PID1: variants seen among roughly 807,000 people sequenced by gnomAD.
The protein encoded by PID1 is PTB-containing, cubilin and LRP1-interacting protein.
A neutral mutation model predicts 19.1 loss-of-function variants in PID1; 10 were observed. The observed-to-expected ratio is 0.52, with a 90% CI of 0.32 to 0.89. PID1 has a LOEUF of 0.89. Among genes scored for constraint, PID1 ranks in the 40% least tolerant of loss-of-function variants. The pLI is 0.03. For missense variants in PID1, 248 were observed against 285.3 expected, an observed-to-expected ratio of 0.87 and a Z score of 0.94; for synonymous variants, 130 against 116.0, an observed-to-expected ratio of 1.12 and a Z score of -0.78.
intron 1 of PID1, among the ~76,000 whole-genome samples, chr2:229,260,815 C>T (rs62191744): frequency 1.5e-5 from 2 of 130,694 alleles, no homozygotes; most frequent in Admixed American, 8.3e-5. Context: ...ATTCTGATTG[C>T]CATTTTTTTT....
At chr2:229,050,928 GAAA>G (rs1693983976) in intron 2 of PID1, among the ~76,000 whole-genome samples, 1 of 152,170 alleles carries the variant, frequency 6.6e-6, no homozygotes, top group Non-Finnish European at 1.5e-5. Context: ...TTTCTATGAA[GAAA>G]ATAGCTATTT....
At chr2:229,070,921 T>C (rs1323348328) in intron 2 of PID1, among the ~76,000 whole-genome samples, 1 of 152,238 alleles carries the variant, frequency 6.6e-6, no homozygotes, top group African/African-American at 2.4e-5. Context: ...AATTCTTCAT[T>C]ACCGGTATCT....
chr2:229,234,055 C>T (rs1692272952), intron 1 of PID1, among the ~76,000 whole-genome samples: 1 of 152,106 alleles, frequency 6.6e-6, no homozygotes, highest in Non-Finnish European at 1.5e-5. Flanking sequence ...CAAAGATGAT[C>T]AAAGCTGTGG....
chr2:229,194,434 TA>T (rs925255522), intron 1 of PID1, among the ~76,000 whole-genome samples: 9 of 150,430 alleles, frequency 6.0e-5, no homozygotes, highest in East Asian at 1.9e-4. Flanking sequence ...TACAAGAACT[TA>T]AAAAAAAATA....
intron 1 of PID1, among the ~76,000 whole-genome samples, chr2:229,179,959 A>G (rs1690904857): frequency 6.6e-6 from 1 of 152,164 alleles, no homozygotes; most frequent in Non-Finnish European, 1.5e-5. Context: ...CTCATTGGAC[A>G]TATCCCCCAC....
Position 229,182,562 on chromosome 2 carries a change from G to A in PID1, c.31-26598C>T, listed in dbSNP as rs181627794. On this transcript the variant is annotated intron_variant, in intron 1 of 2. Coordinates refer to ENST00000392055, the MANE Select transcript of PID1 (RefSeq NM_001100818.2). ...TTTAGTTTTTCAGCTGAAGGCCACGGATTCCCACCATCTTCAACCAGACAG... is the reference window on the plus strand; with the variant it reads ...TTTAGTTTTTCAGCTGAAGGCCACGAATTCCCACCATCTTCAACCAGACAG... Among the ~76,000 whole-genome samples the A allele has an allele frequency of 4.0e-3, 613 of 152,218 alleles. 2 individuals are homozygous for A. Among genetic ancestry groups the A allele is most frequent in the Non-Finnish European group, 5.5e-3 (371 of 68,006 alleles).
At chr2:229,176,130 A>G (rs1412984600) in intron 1 of PID1, among the ~76,000 whole-genome samples, 3 of 150,480 alleles carry the variant, frequency 2.0e-5, no homozygotes, top group Non-Finnish European at 4.4e-5. Context: ...TCTACAGTTT[A>G]GTCCAAAGTT....
intron 2 of PID1, among the ~76,000 whole-genome samples, chr2:229,075,073 C>G (rs1681220614): frequency 6.6e-6 from 1 of 152,192 alleles, no homozygotes; most frequent in African/African-American, 2.4e-5. Context: ...ATCACCTAGC[C>G]TACCATAAAT....
Position 229,132,434 on chromosome 2 carries a change from T to A in PID1, c.177+23384A>T, listed in dbSNP as rs368307025. Among the ~76,000 whole-genome samples, 22 of 152,342 alleles carry A rather than the reference T, an allele frequency of 1.4e-4. No individual in the cohort carries two copies. In the South Asian group the frequency reaches 3.5e-3, roughly 24 times the overall value. ...AGAGATCCAGCTTTCGGTGTCACTATCACTGCCGGCTTTTCTGGCCTTGAA... is the reference window on the plus strand; with the variant it reads ...AGAGATCCAGCTTTCGGTGTCACTAACACTGCCGGCTTTTCTGGCCTTGAA... On this transcript the variant is annotated intron_variant, in intron 2 of 2. Transcript: ENST00000392055.
intron 2 of PID1, among the ~76,000 whole-genome samples, chr2:229,150,229 C>CAAAA (rs11309150): frequency 8.1e-6 from 1 of 123,040 alleles, no homozygotes. Flanking sequence ...GAGTGAGACT[C>CAAAA]AAAAAAAAAA....
At chr2:229,141,443 T>A (rs991137509) in intron 2 of PID1, among the ~76,000 whole-genome samples, 1 of 152,148 alleles carries the variant, frequency 6.6e-6, no homozygotes, top group Non-Finnish European at 1.5e-5. Flanking sequence ...GGACTCTGAA[T>A]GAGCTGTCTG....
rs1226460150 is a variant in PID1 at position 229,026,109 on chromosome 2, C to T, written c.178-1G>A. 6.2e-7 allele frequency: 1 copy of T among 1,608,884 alleles called. No individual in the cohort carries two copies. Among genetic ancestry groups the T allele is most frequent in the African/African-American group, 1.3e-5 (1 of 74,822 alleles). The stretch of plus-strand genomic sequence containing the variant: ...TGGAGACTTTGCCCAGGTAGGTAAC[C>T]TGCAGATGCAAGAGAGGAAGAAAAG... On this transcript the variant is annotated splice_acceptor_variant, in intron 2 of 2. Transcript: ENST00000392055. LOFTEE classifies it high-confidence loss of function.
intron 2 of PID1, among the ~76,000 whole-genome samples, chr2:229,137,848 CTGAA>C (rs377617728): frequency 2.6e-5 from 4 of 152,164 alleles, no homozygotes; most frequent in African/African-American, 9.7e-5. Context: ...TGAAAGCAGA[CTGAA>C]TGAACTCCCC....
In PID1 at chr2:229,086,033, G is replaced by A. The variant is rs145202221; in HGVS notation, c.178-59925C>T. 2.5e-3 allele frequency among the ~76,000 whole-genome samples: 379 copies of A among 152,022 alleles called. 4 individuals are homozygous for A. Among genetic ancestry groups the A allele is most frequent in the African/African-American group, 8.4e-3 (347 of 41,476 alleles). ...CCCTGTAATACATACCCTATTTTGC[G>A]CTGCCTAATTATATTTAAATTCAGG... On this transcript the variant is annotated intron_variant, in intron 2 of 2. Transcript: ENST00000392055.
At chr2:229,082,794 T>C (rs1182997239) in intron 2 of PID1, among the ~76,000 whole-genome samples, 3 of 152,124 alleles carry the variant, frequency 2.0e-5, no homozygotes, top group Non-Finnish European at 4.4e-5. Context: ...TCAGCCAACA[T>C]CTAGATTTCA....
chr2:229,242,009 G>GTGTTTTTGTTTT lies in PID1; in HGVS notation c.30+28993_30+29004dup, dbSNP rs80223945. ...TACAGAGCTATCACTCAGTAAATCAGTGTTTTTGTTTTTGTTTTTGTTTTT... is the reference window on the plus strand; with the variant it reads ...TACAGAGCTATCACTCAGTAAATCAGTGTTTTTGTTTTTGTTTTTGTTTTTGTTTTTGTTTTT... On this transcript the variant is annotated intron_variant, in intron 1 of 2. Transcript: ENST00000392055. Among the ~76,000 whole-genome samples, 52 of 151,214 alleles carry GTGTTTTTGTTTT rather than the reference G, an allele frequency of 3.4e-4. 1 individual carries two copies. Among genetic ancestry groups the GTGTTTTTGTTTT allele is most frequent in the African/African-American group, 1.2e-3 (49 of 41,118 alleles).
intron 2 of PID1, among the ~76,000 whole-genome samples, chr2:229,075,414 G>C (rs1200749539): frequency 1.3e-5 from 2 of 152,098 alleles, no homozygotes; most frequent in Admixed American, 6.6e-5. Flanking sequence ...ACAAAAGCCT[G>C]GCCCATCTGT....
At chr2:229,138,334 A>G (rs1689898071) in intron 2 of PID1, among the ~76,000 whole-genome samples, 1 of 152,192 alleles carries the variant, frequency 6.6e-6, no homozygotes, top group South Asian at 2.1e-4. Context: ...TAACTCATGC[A>G]GTTTCCCTCT....
intron 1 of PID1, among the ~76,000 whole-genome samples, chr2:229,216,552 G>A (rs1691850436): frequency 6.6e-6 from 1 of 152,120 alleles, no homozygotes; most frequent in Non-Finnish European, 1.5e-5. Flanking sequence ...ATTAGAGTTG[G>A]TAGATTAGGG....
Sources: gnomAD v4.1 joint callset for allele counts (sites outside exome capture counted in the v4.1 genomes callset) on GRCh38, gnomAD v4.1.1 for gene constraint, MANE v1.5 for transcripts, NCBI Gene and HGNC (gene_info 2026-07-23, HGNC 2026-07-21) for gene names.